SH3GL2: variants seen among roughly 807,000 people sequenced by gnomAD.
SH3GL2 encodes SH3 domain containing GRB2 like 2, endophilin A1.
Under a neutral mutation model 46.0 loss-of-function variants are expected in SH3GL2, and 24 were observed. That is an observed-to-expected ratio of 0.52 (90% CI 0.38 to 0.73). SH3GL2 has a LOEUF of 0.73. SH3GL2 is among the 30% of genes least tolerant of loss of function. SH3GL2 has a pLI of 0.00. For missense variants in SH3GL2, 413 were observed against 424.2 expected, an observed-to-expected ratio of 0.97 and a Z score of 0.23; for synonymous variants, 196 against 147.1, an observed-to-expected ratio of 1.33 and a Z score of -2.40.
intron 1 of SH3GL2, among the ~76,000 whole-genome samples, chr9:17,653,040 A>G (rs1819992799): frequency 6.6e-6 from 1 of 152,184 alleles, no homozygotes; most frequent in South Asian, 2.1e-4. Context: ...CCTCTGTGAC[A>G]TAATACTTTC....
chr9:17,635,928 G>A (rs368775124), intron 1 of SH3GL2, among the ~76,000 whole-genome samples: 1 of 152,176 alleles, frequency 6.6e-6, no homozygotes, highest in African/African-American at 2.4e-5. Context: ...CCTGGTCACA[G>A]CAGCAAGTAA....
At position 17,754,562 on chromosome 9, in the gene SH3GL2, A is replaced by G. The variant is rs542001842; in HGVS notation, c.115-6875A>G. ...GTGGCAGGCGCCTGTAGTCCCAGCT[A>G]CTCGGGAGGCTGAGGCAGGAGAATG... On this transcript the variant is annotated intron_variant, in intron 2 of 8. Transcript: ENST00000380607. Among the ~76,000 whole-genome samples the G allele has an allele frequency of 7.8e-3, 1,186 of 152,148 alleles. 17 individuals are homozygous for G. The highest frequency in any genetic ancestry group is 0.027 in the African/African-American group (1,132 of 41,482).
chr9:17,722,228 C>G (rs898826931), intron 1 of SH3GL2, among the ~76,000 whole-genome samples: 13 of 151,962 alleles, frequency 8.6e-5, no homozygotes, highest in Non-Finnish European at 8.8e-5. Flanking sequence ...CTTTGCCTGC[C>G]AAGAGAAGGT....
chr9:17,611,030 G>A (rs1223642164), intron 1 of SH3GL2, among the ~76,000 whole-genome samples: 1 of 152,052 alleles, frequency 6.6e-6, no homozygotes, highest in Non-Finnish European at 1.5e-5. Context: ...ACAATTAACT[G>A]GATTTTTCTA....
chr9:17,749,735 T>C (rs1822792060), intron 2 of SH3GL2, among the ~76,000 whole-genome samples: 1 of 152,216 alleles, frequency 6.6e-6, no homozygotes, highest in South Asian at 2.1e-4. Context: ...TGGAGATTTA[T>C]TTTGGTGAGA....
In SH3GL2 at chr9:17,626,740, ACATTT is replaced by A. The variant is rs200138897; in HGVS notation, c.45+47454_45+47458del. 2.4e-3 allele frequency among the ~76,000 whole-genome samples: 359 copies of A among 152,288 alleles called. 3 individuals are homozygous for A. The East Asian group carries it at 0.031, about 13-fold the overall frequency. On this transcript the variant is annotated intron_variant, in intron 1 of 8. Transcript: ENST00000380607. ...CATAGCTTTCTGCAGATTCTTGTGG[ACATTT>A]GACAGTCCCTCTCCAAAGTATGGCC... is the stretch of plus-strand genomic sequence containing the variant.
chr9:17,615,701 G>A (rs1588175139), intron 1 of SH3GL2, among the ~76,000 whole-genome samples: 1 of 135,830 alleles, frequency 7.4e-6, no homozygotes, highest in Non-Finnish European at 1.6e-5. Flanking sequence ...TCGTTAATAT[G>A]TGTTTATTGT....
chr9:17,752,404 A>G (rs1042057637), intron 2 of SH3GL2, among the ~76,000 whole-genome samples: 1 of 152,162 alleles, frequency 6.6e-6, no homozygotes, highest in African/African-American at 2.4e-5. Context: ...TTAGTTTTTC[A>G]TATGCCTTTT....
chr9:17,774,271 T>C (rs908235045), intron 3 of SH3GL2, among the ~76,000 whole-genome samples: 22 of 152,138 alleles, frequency 1.4e-4, no homozygotes, highest in African/African-American at 4.8e-4. Context: ...TTACATCCAA[T>C]TTGGATTCCT....
intron 1 of SH3GL2, among the ~76,000 whole-genome samples, chr9:17,677,064 C>G (rs560334177): frequency 1.3e-5 from 2 of 152,234 alleles, no homozygotes; most frequent in African/African-American, 4.8e-5. Context: ...ATGTCTTCCT[C>G]CATCACGCCT....
chr9:17,749,342 C>T (rs962132082), intron 2 of SH3GL2, among the ~76,000 whole-genome samples: 2 of 152,140 alleles, frequency 1.3e-5, no homozygotes, highest in South Asian at 2.1e-4. Flanking sequence ...TTCTACTGCC[C>T]ATAAAATTGG....
chr9:17,773,514 A>G (rs551645618), intron 3 of SH3GL2, among the ~76,000 whole-genome samples: 1 of 152,152 alleles, frequency 6.6e-6, no homozygotes, highest in East Asian at 1.9e-4. Context: ...GTCCAAATTC[A>G]TTTTTTTGCA....
At chr9:17,592,123 C>A (rs967371139) in intron 1 of SH3GL2, among the ~76,000 whole-genome samples, 1 of 152,236 alleles carries the variant, frequency 6.6e-6, no homozygotes, top group Non-Finnish European at 1.5e-5. Flanking sequence ...AGGCCTGAGG[C>A]CCCGGGGAGC....
At chr9:17,704,851 A>G (rs917370068) in intron 1 of SH3GL2, among the ~76,000 whole-genome samples, 5 of 152,132 alleles carry the variant, frequency 3.3e-5, no homozygotes, top group Admixed American at 6.6e-5. Flanking sequence ...AACCTAGGAC[A>G]TGCTGCTGTG....
chr9:17,762,491 C>T (rs1823207537), intron 3 of SH3GL2, among the ~76,000 whole-genome samples: 1 of 152,022 alleles, frequency 6.6e-6, no homozygotes, highest in South Asian at 2.1e-4. Flanking sequence ...CCCCCTGCTG[C>T]TGGCTGCAGC....
chr9:17,590,258 A>T (rs1818455575), intron 1 of SH3GL2: 1 of 152,284 alleles, frequency 6.6e-6, no homozygotes, highest in African/African-American at 2.4e-5. Context: ...CTGGGCAAGA[A>T]GGACCTACAA....
intron 1 of SH3GL2, among the ~76,000 whole-genome samples, chr9:17,709,998 G>C (rs778378088): frequency 1.8e-4 from 28 of 151,902 alleles, no homozygotes; most frequent in Non-Finnish European, 3.7e-4. Flanking sequence ...TGAATCCTTA[G>C]AGGAAGGAGT....
At chr9:17,651,027 G>T (rs536627845) in intron 1 of SH3GL2, among the ~76,000 whole-genome samples, 1 of 152,142 alleles carries the variant, frequency 6.6e-6, no homozygotes, top group African/African-American at 2.4e-5. Flanking sequence ...TATGTGTGGT[G>T]TGTGTGTGTG....
chr9:17,676,220 C>T (rs920368515), intron 1 of SH3GL2, among the ~76,000 whole-genome samples: 2 of 152,290 alleles, frequency 1.3e-5, no homozygotes, highest in African/African-American at 4.8e-5. Flanking sequence ...AGTGTCTCTT[C>T]CTTTTCTTTT....
Sources: allele counts gnomAD v4.1 joint callset (sites outside exome capture counted in the v4.1 genomes callset), GRCh38; gene constraint gnomAD v4.1.1; transcripts MANE v1.5; gene names NCBI Gene and HGNC (gene_info 2026-07-23, HGNC 2026-07-21).